ACVR2B: variants seen among roughly 807,000 people sequenced by gnomAD.
ACVR2B encodes activin receptor type-2B.
In ACVR2B, 18 loss-of-function variants were observed where a neutral mutation model predicts 65.1. That is an observed-to-expected ratio of 0.28 (90% CI 0.19 to 0.41). ACVR2B has a LOEUF of 0.41. Among genes scored for constraint, ACVR2B ranks in the 10% least tolerant of loss-of-function variants. The probability of loss-of-function intolerance (pLI) is 1.00; values close to 1 mark genes in which losing one functional copy is unlikely to be tolerated. For synonymous variants in ACVR2B, 298 were observed against 277.7 expected (o/e 1.07, Z -0.73); for missense variants, 482 against 682.7 (o/e 0.71, Z 3.28).
rs1371142779 is a variant in ACVR2B at position 38,484,647 on chromosome 3, T to C, written c.*1315T>C. On this transcript the variant is annotated 3_prime_UTR_variant, in exon 11 of 11. Transcript: ENST00000352511. ...CAACATTTGAATTCTTTTTAATTTATGAAACATGCTAAATTTTTTTTTTCA... is the reference window on the plus strand; with the variant it reads ...CAACATTTGAATTCTTTTTAATTTACGAAACATGCTAAATTTTTTTTTTCA... 2 of 151,940 alleles carry C rather than the reference T, an allele frequency of 1.3e-5. No homozygotes were observed. The highest frequency in any genetic ancestry group is 2.4e-5 in the African/African-American group (1 of 41,422). 9.4% of individuals were successfully genotyped at this position (151,940 alleles called of 1,614,324 possible).
In ACVR2B at chr3:38,485,253, C is replaced by G. The variant is rs1283693189; in HGVS notation, c.*1921C>G. The G allele has an allele frequency of 6.6e-6, 1 of 152,216 alleles. No individual in the cohort carries two copies. The highest frequency in any genetic ancestry group is 1.9e-4 in the East Asian group (1 of 5,206). 9.4% of individuals were successfully genotyped at this position (152,216 alleles called of 1,614,324 possible). A position where few individuals can be genotyped will look rare whatever the true frequency, so the allele number is the denominator to read the frequency against. On this transcript the variant is annotated 3_prime_UTR_variant, in exon 11 of 11. Transcript: ENST00000352511. ...GTGTTCAGAATGACAAGTAACCCCG[C>G]TTAAACTTGGTAGAAGGATGGCCCT...
In ACVR2B at chr3:38,483,126, T is replaced by G. The variant is rs1178080285; in HGVS notation, c.1345-12T>G. The stretch of plus-strand genomic sequence containing the variant: ...ACAAAGGTGTCTTTCCTGTCTGCCC[T>G]ATGCTGCTTAGGGCCTGGCCCAGCT... On this transcript the variant is annotated splice_polypyrimidine_tract_variant and intron_variant, in intron 10 of 10. Coordinates refer to ENST00000352511, the MANE Select transcript of ACVR2B (RefSeq NM_001106.4). This position sits in a 1 kb window ranked among gnomAD's most constrained non-coding sequence, Gnocchi z 4.8. The G allele has an allele frequency of 1.2e-6, 2 of 1,613,984 alleles. No individual in the cohort carries two copies. Among genetic ancestry groups the G allele is most frequent in the Non-Finnish European group, 1.7e-6 (2 of 1,179,974 alleles).
intron 1 of ACVR2B, among the ~76,000 whole-genome samples, chr3:38,461,417 C>T (rs1235198206): frequency 6.6e-6 from 1 of 152,180 alleles, no homozygotes; most frequent in African/African-American, 2.4e-5. Flanking sequence ...CATAGTGAAT[C>T]AAGGCTCATC....
chr3:38,487,867 A>G lies in ACVR2B; in HGVS notation c.*4535A>G, dbSNP rs1710149237. 1 of 152,224 alleles carries G rather than the reference A, an allele frequency of 6.6e-6. No homozygotes were observed. The highest frequency in any genetic ancestry group is 2.4e-5 in the African/African-American group (1 of 41,454). The allele number at this position is 152,224 out of a possible 1,614,324, so 9.4% of individuals were successfully genotyped here. On this transcript the variant is annotated 3_prime_UTR_variant, in exon 11 of 11. Transcript: ENST00000352511. ...ATATACTAATTGGAAAGCAGTTTCC[A>G]GGAGTTAACTCAGTTTAATTTTCAG... is the stretch of plus-strand genomic sequence containing the variant.
At position 38,481,574 on chromosome 3, in the gene ACVR2B, A is replaced by G. The variant is rs1710018529; in HGVS notation, c.1074+109A>G. On this transcript the variant is annotated intron_variant, in intron 8 of 10. Transcript: ENST00000352511. This position sits in a 1 kb window ranked among gnomAD's most constrained non-coding sequence, Gnocchi z 4.7. ...GGGATGAGGGTGACTGCATGCGTTC[A>G]GAGCTGTCTGAGAACTTAGAGCAAT... is the stretch of plus-strand genomic sequence containing the variant. The G allele has an allele frequency of 1.2e-6, 1 of 866,242 alleles. No individual in the cohort carries two copies. Among genetic ancestry groups the G allele is most frequent in the African/African-American group, 1.7e-5 (1 of 60,570 alleles). 53.7% of individuals were successfully genotyped at this position (866,242 alleles called of 1,614,324 possible).
chr3:38,463,821 T>A (rs895516295), intron 1 of ACVR2B, among the ~76,000 whole-genome samples: 14 of 152,212 alleles, frequency 9.2e-5, no homozygotes, highest in African/African-American at 3.4e-4. Flanking sequence ...TGAAATTTCT[T>A]TTCTTACAAT....
chr3:38,477,954 G>T lies in ACVR2B; in HGVS notation c.354G>T (p.Glu118Asp). ...ACGAACGCTTCACTCATTTGCCAGAGGCTGGGGGCCCGGAAGGTAAGGGGG... is the reference window on the plus strand; with the variant it reads ...ACGAACGCTTCACTCATTTGCCAGATGCTGGGGGCCCGGAAGGTAAGGGGG... Reference protein sequence around the residue: ...FCNERFTHLPEAGGPEVTYEP... With the variant: ...FCNERFTHLPDAGGPEVTYEP... Residue 118 changes from glutamate (E) to aspartate (D), a missense_variant, in exon 3 of 11, where the codon GAG becomes GAT. Glu to Asp is a conservative substitution (Grantham distance 45). Around this residue, in one of 5 missense-constraint regions of ACVR2B, gnomAD observed 85 missense variants for 137.3 expected, o/e 0.62. Coordinates refer to ENST00000352511, the MANE Select transcript of ACVR2B (RefSeq NM_001106.4). The surrounding 1 kb of genome is among the most constrained non-coding windows in gnomAD (Gnocchi z 6.7). 8.1e-6 allele frequency: 13 copies of T among 1,614,126 alleles called. No individual in the cohort carries two copies. Among genetic ancestry groups the T allele is most frequent in the Non-Finnish European group, 1.1e-5 (13 of 1,180,016 alleles).
At position 38,491,274 on chromosome 3, in the gene ACVR2B, G is replaced by A. The variant is rs759661895; in HGVS notation, c.*7942G>A. On this transcript the variant is annotated 3_prime_UTR_variant, in exon 11 of 11. Transcript: ENST00000352511. ...TTTTGTCTCTGGGGCATAGATGGCA[G>A]ACCAAGATTAAAAGTGGTAACTCAG... 1 of 152,652 alleles carries A rather than the reference G, an allele frequency of 6.6e-6. No homozygotes were observed. Among genetic ancestry groups the A allele is most frequent in the Non-Finnish European group, 1.5e-5 (1 of 68,044 alleles). 9.5% of individuals were successfully genotyped at this position (152,652 alleles called of 1,614,324 possible).
At chr3:38,461,053 A>G (rs1054606524) in intron 1 of ACVR2B, among the ~76,000 whole-genome samples, 2 of 152,132 alleles carry the variant, frequency 1.3e-5, no homozygotes, top group Non-Finnish European at 2.9e-5. Flanking sequence ...GAACCAATTA[A>G]AACAGGAGAC....
In ACVR2B at chr3:38,477,151, GT is replaced by G. The variant is rs1346563804; in HGVS notation, c.53-135del. Reference sequence around the variant, plus strand: ...ATGGGTGGCCTACGTCCAGGGGTGAGTGCAGGAGGTTGGTGACCCCAACCCA... The same window carrying G: ...ATGGGTGGCCTACGTCCAGGGGTGAGGCAGGAGGTTGGTGACCCCAACCCA... On this transcript the variant is annotated intron_variant, in intron 1 of 10. Coordinates refer to ENST00000352511, the MANE Select transcript of ACVR2B (RefSeq NM_001106.4). This position sits in a 1 kb window ranked among gnomAD's most constrained non-coding sequence, Gnocchi z 6.7. 2 of 899,102 alleles carry G rather than the reference GT, an allele frequency of 2.2e-6. No homozygotes were observed. The highest frequency in any genetic ancestry group is 4.2e-5 in the Admixed American group (2 of 47,926). 55.7% of individuals were successfully genotyped at this position (899,102 alleles called of 1,614,324 possible).
In ACVR2B at chr3:38,482,468, A is replaced by G; in HGVS notation, c.1252A>G (p.Ile418Val). 6.2e-7 allele frequency: 1 copy of G among 1,612,722 alleles called. No individual in the cohort carries two copies. The highest frequency in any genetic ancestry group is 8.5e-7 in the Non-Finnish European group (1 of 1,179,814). ...DEYMLPFEEE[I>V]GQHPSLEELQ... is the part of the protein sequence containing the mutation. ...GTACATGCTGCCCTTTGAGGAAGAG[A>G]TTGGCCAGCACCCTTCGTTGGAGGA... is the stretch of plus-strand genomic sequence containing the variant. Residue 418 changes from isoleucine (I) to valine (V), a missense_variant, in exon 10 of 11, where the codon ATT becomes GTT. By Grantham distance (29) the Ile-to-Val change is conservative. Around this residue, in one of 5 missense-constraint regions of ACVR2B, gnomAD observed 223 missense variants for 386.3 expected, o/e 0.58. Transcript: ENST00000352511.
At chr3:38,462,823 T>C (rs1029238293) in intron 1 of ACVR2B, among the ~76,000 whole-genome samples, 10 of 152,212 alleles carry the variant, frequency 6.6e-5, no homozygotes, top group African/African-American at 1.9e-4. Context: ...ACGTATGTTA[T>C]TGGTTTTAAT....
chr3:38,460,314 T>C (rs925535574), intron 1 of ACVR2B, among the ~76,000 whole-genome samples: 1 of 152,212 alleles, frequency 6.6e-6, no homozygotes, highest in Admixed American at 6.5e-5. Context: ...GAGGTGCCTA[T>C]TCCTTGTGGT....
Position 38,479,291 on chromosome 3 carries a change from A to G in ACVR2B, c.810+20A>G. ...GACAAGGTGAGCCACACCCATCAGA[A>G]TGGACTCTGAGAGGAGATGGAATGT... On this transcript the variant is annotated intron_variant, in intron 6 of 10. Coordinates refer to ENST00000352511, the MANE Select transcript of ACVR2B (RefSeq NM_001106.4). 2 of 1,614,098 alleles carry G rather than the reference A, an allele frequency of 1.2e-6. No individual in the cohort carries two copies. The highest frequency in any genetic ancestry group is 2.2e-5 in the South Asian group (2 of 91,074).
In ACVR2B at chr3:38,479,033, G is replaced by C. The variant is rs1709966322; in HGVS notation, c.667-95G>C. The C allele has an allele frequency of 4.6e-6, 7 of 1,537,212 alleles. No individual in the cohort carries two copies. In the Admixed American group the frequency reaches 1.2e-4, roughly 26 times the overall value. On this transcript the variant is annotated intron_variant, in intron 5 of 10. Transcript: ENST00000352511. ...GATTGGGCTGGGAGGCTTGAGGGTG[G>C]GGAATGGGGAATGGTTGTTCTGCTG...
At chr3:38,468,271 G>C (rs1709764856) in intron 1 of ACVR2B, among the ~76,000 whole-genome samples, 1 of 152,204 alleles carries the variant, frequency 6.6e-6, no homozygotes, top group Non-Finnish European at 1.5e-5. Context: ...AATCTAGGGT[G>C]ATCTGATTGG....
rs1471617045 is a variant in ACVR2B, at chr3:38,477,991, T to C, written c.370+21T>C. The C allele has an allele frequency of 1.9e-6, 3 of 1,612,844 alleles. No homozygotes were observed. The Admixed American group carries it at 5.0e-5, about 27-fold the overall frequency. ...GGAAGGTAAGGGGGCAGTGTGGAAG[T>C]GGGGCCTTGAGTCAGCCGACCTGGG... is the stretch of plus-strand genomic sequence containing the variant. On this transcript the variant is annotated intron_variant, in intron 3 of 10. Coordinates refer to ENST00000352511, the MANE Select transcript of ACVR2B (RefSeq NM_001106.4). The surrounding 1 kb of genome is among the most constrained non-coding windows in gnomAD (Gnocchi z 6.7).
chr3:38,480,929 T>C (rs1710007028), intron 7 of ACVR2B, among the ~76,000 whole-genome samples: 1 of 152,108 alleles, frequency 6.6e-6, no homozygotes, highest in Admixed American at 6.6e-5. Context: ...CCCTAAGGGG[T>C]CTCTGCAGGA....
chr3:38,491,594 G>A lies in ACVR2B; in HGVS notation c.*8262G>A, dbSNP rs2059811199. 6.6e-6 allele frequency: 1 copy of A among 152,350 alleles called. No homozygotes were observed. The highest frequency in any genetic ancestry group is 2.4e-5 in the African/African-American group (1 of 41,452). 9.4% of individuals were successfully genotyped at this position (152,350 alleles called of 1,614,324 possible). On this transcript the variant is annotated 3_prime_UTR_variant, in exon 11 of 11. Transcript: ENST00000352511. ...ATTTTACCAACAATGACAGAGATGA[G>A]AGTAGAAAAGATTAGGCAACATCTG...
Sources: allele counts gnomAD v4.1 joint callset (sites outside exome capture counted in the v4.1 genomes callset), GRCh38; gene constraint gnomAD v4.1.1; regional missense constraint gnomAD v4.1.1; non-coding constraint Gnocchi (gnomAD v3.1); transcripts MANE v1.5; gene names NCBI Gene and HGNC (gene_info 2026-07-23, HGNC 2026-07-21).